The following PTPN12 variants were observed in gnomAD, a reference collection of about 807,000 sequenced individuals.
PTPN12 encodes the protein tyrosine-protein phosphatase non-receptor type 12.
A neutral mutation model predicts 97.6 loss-of-function variants in PTPN12; 29 were observed. The ratio of observed to expected loss-of-function variants is 0.30; its 90% CI spans 0.22 to 0.41. PTPN12 has a LOEUF of 0.41. Ranked by LOEUF, PTPN12 falls within the 10% of genes least tolerant of loss-of-function variation. The pLI, the probability that PTPN12 is intolerant of heterozygous loss-of-function variation, is 1.00. For missense variants in PTPN12, 819 were observed against 926.0 expected (o/e 0.88, Z 1.50); for synonymous variants, 327 against 300.4 (o/e 1.09, Z -0.91).
intron 2 of PTPN12, among the ~76,000 whole-genome samples, chr7:77,580,372 G>A (rs1376835078): frequency 6.6e-6 from 1 of 152,166 alleles, no homozygotes; most frequent in Non-Finnish European, 1.5e-5. Flanking sequence ...ATCTTTCTGT[G>A]CTTTGGGAAG....
intron 1 of PTPN12, among the ~76,000 whole-genome samples, chr7:77,540,375 T>C (rs769079361): frequency 6.6e-6 from 1 of 151,870 alleles, no homozygotes; most frequent in Non-Finnish European, 1.5e-5. Context: ...GTAGCTGAGA[T>C]TACAGGCGCA....
chr7:77,590,499 C>T (rs900443825), intron 5 of PTPN12, among the ~76,000 whole-genome samples: 2 of 152,022 alleles, frequency 1.3e-5, no homozygotes, highest in East Asian at 3.9e-4. Flanking sequence ...TTGCTTGAGC[C>T]CAGGAGTTTG....
chr7:77,626,505 C>A (rs10245582), intron 12 of PTPN12, among the ~76,000 whole-genome samples, 200 bp from the exon 13 acceptor site: 109,731 of 152,080 alleles, frequency 0.72, 40,926 homozygotes, highest in East Asian at 0.9. Flanking sequence ...GTTTTTCATT[C>A]AAAGTCTTGT....
chr7:77,575,225 C>T (rs1042842791), intron 2 of PTPN12, among the ~76,000 whole-genome samples: 2 of 152,178 alleles, frequency 1.3e-5, no homozygotes, highest in Non-Finnish European at 2.9e-5. Context: ...CACAGTGGCT[C>T]ATGCATGTAA....
intron 12 of PTPN12, among the ~76,000 whole-genome samples, chr7:77,623,970 C>G (rs1267811123): frequency 1.3e-5 from 2 of 151,846 alleles, no homozygotes; most frequent in Non-Finnish European, 2.9e-5. Flanking sequence ...GATTAAGAAC[C>G]AACTTGTAGG....
chr7:77,556,773 T>C (rs1807731828), intron 1 of PTPN12, among the ~76,000 whole-genome samples: 1 of 152,004 alleles, frequency 6.6e-6, no homozygotes, highest in African/African-American at 2.4e-5. Flanking sequence ...GAGGTTGCAG[T>C]GATCCGAGAC....
chr7:77,551,947 A>T (rs1807497349), intron 1 of PTPN12, among the ~76,000 whole-genome samples: 1 of 152,218 alleles, frequency 6.6e-6, no homozygotes, highest in African/African-American at 2.4e-5. Flanking sequence ...CCCTTGTATG[A>T]ATGCCAAGGA....
chr7:77,545,730 C>G (rs1807184705), intron 1 of PTPN12: 1 of 151,910 alleles, frequency 6.6e-6, no homozygotes, highest in Admixed American at 6.6e-5. Flanking sequence ...TACTTCTTAG[C>G]CTGGCATTCC....
chr7:77,592,935 T>C (rs1333356432), intron 6 of PTPN12, among the ~76,000 whole-genome samples: 1 of 152,070 alleles, frequency 6.6e-6, no homozygotes, highest in Non-Finnish European at 1.5e-5. Context: ...AAGTTTTCTT[T>C]AGGTGCCATA....
chr7:77,572,289 A>G (rs987762690), intron 2 of PTPN12, among the ~76,000 whole-genome samples: 1 of 152,140 alleles, frequency 6.6e-6, no homozygotes, highest in African/African-American at 2.4e-5. Flanking sequence ...TTTAGTAGAG[A>G]CAGGGTTTCA....
intron 1 of PTPN12, among the ~76,000 whole-genome samples, chr7:77,541,556 C>A (rs141770620): frequency 1.3e-5 from 2 of 152,096 alleles, no homozygotes; most frequent in Non-Finnish European, 2.9e-5. Context: ...ACTAGGTAGA[C>A]GTATATAAAC....
chr7:77,638,714 C>G lies in PTPN12; in HGVS notation c.2264C>G (p.Thr755Arg), dbSNP rs1294967832. 2.5e-6 allele frequency: 4 copies of G among 1,603,280 alleles called. No individual in the cohort carries two copies. Among genetic ancestry groups the G allele is most frequent in the Non-Finnish European group, 3.4e-6 (4 of 1,176,548 alleles). Residue 755 changes from threonine (T) to arginine (R), a missense_variant, in exon 17 of 18, where the codon ACA (threonine) becomes AGA (arginine). By Grantham distance (71) the Thr-to-Arg change is moderately conservative. Coordinates refer to ENST00000248594, the MANE Select transcript of PTPN12 (RefSeq NM_002835.4). ...DKREQISENP[T>R]EATDIGFGNR... ...AGAGAACAAATATCAGAAAATCCAACAGAAGCCACAGATATTGGTAATTTG... is the reference window on the plus strand; with the variant it reads ...AGAGAACAAATATCAGAAAATCCAAGAGAAGCCACAGATATTGGTAATTTG...
chr7:77,547,635 A>C (rs1807284952), intron 1 of PTPN12, among the ~76,000 whole-genome samples: 1 of 152,258 alleles, frequency 6.6e-6, no homozygotes, highest in East Asian at 1.9e-4. Context: ...AAGGTAGTCA[A>C]AGGAATTTGA....
chr7:77,582,155 C>T (rs1307181635), intron 3 of PTPN12, among the ~76,000 whole-genome samples: 33 of 123,354 alleles, frequency 2.7e-4, no homozygotes, highest in African/African-American at 1.0e-3. Context: ...AGTGCAGTGG[C>T]GCTATCTCGG....
chr7:77,582,368 TC>T (rs1366417672), intron 3 of PTPN12, among the ~76,000 whole-genome samples: 1 of 152,164 alleles, frequency 6.6e-6, no homozygotes, highest in African/African-American at 2.4e-5. Context: ...AGGCTTTTTT[TC>T]CATCAGCTAA....
chr7:77,547,748 C>T (rs1230022590), intron 1 of PTPN12, among the ~76,000 whole-genome samples: 1 of 152,138 alleles, frequency 6.6e-6, no homozygotes, highest in Non-Finnish European at 1.5e-5. Flanking sequence ...CACAAAGATG[C>T]TACATTTGAG....
intron 13 of PTPN12, among the ~76,000 whole-genome samples, chr7:77,629,198 C>G (rs1338077309): frequency 6.6e-6 from 1 of 152,222 alleles, no homozygotes; most frequent in South Asian, 2.1e-4. Context: ...ATCCGCCCAC[C>G]TCGGCCTCCC....
chr7:77,602,381 A>G (rs545775250), intron 8 of PTPN12, among the ~76,000 whole-genome samples: 1 of 152,294 alleles, frequency 6.6e-6, no homozygotes, highest in Non-Finnish European at 1.5e-5. Flanking sequence ...AACAAAGCTA[A>G]ATTTGTATTA....
chr7:77,553,851 A>AT (rs145024940), intron 1 of PTPN12, among the ~76,000 whole-genome samples: 65,513 of 145,076 alleles, frequency 0.45, 14,882 homozygotes, highest in African/African-American at 0.55. Context: ...CTTTGTTCCT[A>AT]TTTTTTTTTT....
Sources: allele counts gnomAD v4.1 joint callset (sites outside exome capture counted in the v4.1 genomes callset), GRCh38; gene constraint gnomAD v4.1.1; transcripts MANE v1.5; gene names NCBI Gene and HGNC (gene_info 2026-07-23, HGNC 2026-07-21).